CSF1R: variants seen among roughly 807,000 people sequenced by gnomAD.
CSF1R encodes macrophage colony-stimulating factor 1 receptor.
CSF1R carries 40 observed loss-of-function variants against 110.0 expected under a neutral mutation model. That is an observed-to-expected ratio of 0.36 (90% CI 0.28 to 0.47). The LOEUF (loss-of-function observed/expected upper bound fraction) is 0.47. Ranked by LOEUF, CSF1R falls within the 20% of genes least tolerant of loss-of-function variation. CSF1R has a pLI of 0.99. For missense variants in CSF1R, 1,052 were observed against 1,253.0 expected, an observed-to-expected ratio of 0.84 and a Z score of 2.42; for synonymous variants, 523 against 503.4, an observed-to-expected ratio of 1.04 and a Z score of -0.52.
chr5:150,089,476 A>G (rs1758966573), upstream of CSF1R, among the ~76,000 whole-genome samples: 1 of 152,236 alleles, frequency 6.6e-6, no homozygotes, highest in Non-Finnish European at 1.5e-5. Context: ...AAAATAAAAT[A>G]TTTTGGAATA....
chr5:150,063,151 G>A (rs776691946), intron 10 of CSF1R, among the ~76,000 whole-genome samples: 4 of 152,186 alleles, frequency 2.6e-5, no homozygotes, highest in South Asian at 2.1e-4. Flanking sequence ...CCAAGCAGCC[G>A]GGACTACAAG....
Position 150,059,728 on chromosome 5 carries a change from T to C in CSF1R, c.2104A>G (p.Ile702Val). ...CGGACATATTTCTTCTCGAGGTGGA[T>C]GTTCTTATAGTCGACGCCTCCCTCG... is the stretch of plus-strand genomic sequence containing the variant. ...DPEGGVDYKN[I>V]HLEKKYVRRD... The change falls in exon 14 of 21, where the codon ATC becomes GTC. Residue 702 changes from isoleucine to valine, a missense_variant. By Grantham distance (29) the Ile-to-Val change is conservative. This residue lies in a region of CSF1R where 124 missense variants were observed against 117.7 expected (regional missense o/e 1.05). Coordinates refer to ENST00000675795, the MANE Select transcript of CSF1R (RefSeq NM_001288705.3). 4 of 1,614,094 alleles carry C rather than the reference T, an allele frequency of 2.5e-6. No homozygotes were observed. The highest frequency in any genetic ancestry group is 3.4e-6 in the Non-Finnish European group (4 of 1,179,964).
chr5:150,098,856 T>A (rs1023863506), intron 1 of CSF1R, among the ~76,000 whole-genome samples: 1 of 151,576 alleles, frequency 6.6e-6, no homozygotes, highest in Non-Finnish European at 1.5e-5. Flanking sequence ...AACCTGACAG[T>A]TTCAAGTGCT....
At chr5:150,102,322 G>A (rs902690249) in intron 1 of CSF1R, among the ~76,000 whole-genome samples, 2 of 152,190 alleles carry the variant, frequency 1.3e-5, no homozygotes, top group African/African-American at 2.4e-5. Context: ...AAAATTATTC[G>A]CAGTCTGGTA....
intron 5 of CSF1R, among the ~76,000 whole-genome samples, chr5:150,076,322 CTAT>C (rs1758257348): frequency 0.011 from 7 of 658 alleles, no homozygotes; most frequent in Admixed American, 0.031. Context: ...TAAGTACTTC[CTAT>C]CTATCTATCT....
intron 13 of CSF1R, 109 bp from the exon 14 acceptor site, chr5:150,059,971 T>C: frequency 1.6e-6 from 2 of 1,279,970 alleles, no homozygotes; most frequent in East Asian, 2.4e-5. Flanking sequence ...TCAGCATAGC[T>C]GAGTTCTAAC....
At position 150,070,092 on chromosome 5, in the gene CSF1R, T is replaced by C. The variant is rs368275595; in HGVS notation, c.1320-29A>G. On this transcript the variant is annotated intron_variant, in intron 8 of 20. Coordinates refer to ENST00000675795, the MANE Select transcript of CSF1R (RefSeq NM_001288705.3). The stretch of plus-strand genomic sequence containing the variant: ...GCAAAAGCAGAATGTGGCTCAGAGC[T>C]TCAGGGTTCCCAGCGCCAGCATGTC... 3.7e-6 allele frequency: 6 copies of C among 1,610,456 alleles called. No homozygotes were observed. In the African/African-American group the frequency reaches 6.7e-5, roughly 18 times the overall value.
intron 1 of CSF1R, chr5:150,113,208 C>T (rs1759782577): frequency 6.5e-6 from 1 of 153,488 alleles, no homozygotes; most frequent in African/African-American, 2.4e-5. Flanking sequence ...CTACACCTCT[C>T]TGCCCTCAAA....
chr5:150,065,901 G>A (rs533202867), intron 10 of CSF1R, among the ~76,000 whole-genome samples: 38 of 152,334 alleles, frequency 2.5e-4, no homozygotes, highest in African/African-American at 8.4e-4. Context: ...AGAAAGGGCC[G>A]CAGGGGGCCC....
chr5:150,067,971 G>A (rs1328857804), intron 10 of CSF1R, among the ~76,000 whole-genome samples: 2 of 152,162 alleles, frequency 1.3e-5, no homozygotes, highest in Non-Finnish European at 2.9e-5. Context: ...TTACAGGTGT[G>A]CCCTTGCTTT....
intron 1 of CSF1R, among the ~76,000 whole-genome samples, chr5:150,110,464 A>G (rs1346253995): frequency 6.6e-6 from 1 of 152,214 alleles, no homozygotes; most frequent in Non-Finnish European, 1.5e-5. Context: ...CATTTCTGAC[A>G]TTGGTTAAAT....
intron 10 of CSF1R, among the ~76,000 whole-genome samples, chr5:150,064,819 G>A (rs534972996): frequency 5.3e-5 from 8 of 152,098 alleles, no homozygotes; most frequent in Non-Finnish European, 4.4e-5. Context: ...TCTGGAAGCG[G>A]ACCAAGCTGC....
At chr5:150,082,668 G>T (rs1758603876) in intron 1 of CSF1R, among the ~76,000 whole-genome samples, 1 of 152,206 alleles carries the variant, frequency 6.6e-6, no homozygotes, top group Non-Finnish European at 1.5e-5. Flanking sequence ...ACCAACTTGG[G>T]TTTGGATCTT....
chr5:150,100,614 A>G (rs1440479283), intron 1 of CSF1R, among the ~76,000 whole-genome samples: 1 of 152,154 alleles, frequency 6.6e-6, no homozygotes, highest in Admixed American at 6.5e-5. Context: ...GAAATCTCAT[A>G]CACTGCTGGT....
intron 4 of CSF1R, among the ~76,000 whole-genome samples, chr5:150,077,888 C>G (rs568724127): frequency 1.3e-5 from 2 of 151,912 alleles, no homozygotes; most frequent in Admixed American, 6.6e-5. Flanking sequence ...CACCTCCCCC[C>G]ACCCACCCCC....
upstream of CSF1R, among the ~76,000 whole-genome samples, chr5:150,089,118 A>C (rs1483582520): frequency 6.6e-6 from 1 of 152,248 alleles, no homozygotes; most frequent in African/African-American, 2.4e-5. Context: ...CAACTAATTC[A>C]ATGGTAAAAG....
chr5:150,099,957 A>C (rs909353985), intron 1 of CSF1R, among the ~76,000 whole-genome samples: 1 of 152,212 alleles, frequency 6.6e-6, no homozygotes, highest in Non-Finnish European at 1.5e-5. Context: ...GAAAAAAGGG[A>C]AGTCTTTCTA....
intron 1 of CSF1R, 44 bp downstream of exon 1, chr5:150,086,335 C>T (rs926552044): frequency 3.2e-6 from 5 of 1,561,404 alleles, no homozygotes; most frequent in Non-Finnish European, 4.4e-6. Flanking sequence ...GGGTCTTCTC[C>T]ATCACACCCC....
At chr5:150,103,035 C>T (rs1759450986) in intron 1 of CSF1R, among the ~76,000 whole-genome samples, 1 of 152,170 alleles carries the variant, frequency 6.6e-6, no homozygotes, top group Non-Finnish European at 1.5e-5. Context: ...AGGCCTGGGT[C>T]ACAGGCAATC....
Sources: gnomAD v4.1 joint callset for allele counts (sites outside exome capture counted in the v4.1 genomes callset) on GRCh38, gnomAD v4.1.1 for gene constraint, gnomAD v4.1.1 regional missense constraint, MANE v1.5 for transcripts, NCBI Gene and HGNC (gene_info 2026-07-23, HGNC 2026-07-21) for gene names.